The following ADAM22 variants were observed in gnomAD, a reference collection of about 807,000 sequenced individuals.
ADAM22 encodes the protein ADAM metallopeptidase domain 22, also known as disintegrin and metalloproteinase domain-containing protein 22.
ADAM22 carries 65 observed loss-of-function variants against 144.6 expected under a neutral mutation model. The observed-to-expected ratio is 0.45, with a 90% CI of 0.37 to 0.55. ADAM22 has a LOEUF of 0.55. ADAM22 is among the 20% of genes least tolerant of loss of function. The probability of loss-of-function intolerance (pLI) is 0.00; values close to 1 mark genes in which losing one functional copy is unlikely to be tolerated. For missense variants in ADAM22, 974 were observed against 1,184.9 expected, an observed-to-expected ratio of 0.82 and a Z score of 2.61; for synonymous variants, 391 against 412.6, an observed-to-expected ratio of 0.95 and a Z score of 0.63.
At chr7:88,093,823 G>A (rs1820568092) in intron 4 of ADAM22, among the ~76,000 whole-genome samples, 1 of 152,180 alleles carries the variant, frequency 6.6e-6, no homozygotes. Flanking sequence ...ACAGGCATGA[G>A]CCACTGCATC....
chr7:88,188,991 C>T (rs569725896), intron 30 of ADAM22, among the ~76,000 whole-genome samples: 11 of 152,276 alleles, frequency 7.2e-5, no homozygotes, highest in East Asian at 1.9e-4. Context: ...GTTGGCTTTG[C>T]GGCATCCTTA....
chr7:88,004,591 G>A (rs1278945533), intron 3 of ADAM22, among the ~76,000 whole-genome samples: 1 of 152,194 alleles, frequency 6.6e-6, no homozygotes, highest in African/African-American at 2.4e-5. Context: ...AGTAAATTGT[G>A]TAAGGCCACC....
intron 4 of ADAM22, among the ~76,000 whole-genome samples, chr7:88,083,148 C>G (rs1378950711): frequency 6.6e-6 from 1 of 152,166 alleles, no homozygotes; most frequent in Non-Finnish European, 1.5e-5. Flanking sequence ...TCATGGAATA[C>G]TATGCAGCCA....
rs767707816 is a variant in ADAM22, at chr7:88,151,254, T to C, written c.1618-3T>C. 48 of 1,614,022 alleles carry C rather than the reference T, an allele frequency of 3.0e-5. No individual in the cohort carries two copies. The Admixed American group carries it at 5.8e-4, about 20-fold the overall frequency. ...CTAATGGGTATTTGCTTTTCCGTTT[T>C]AGGGAATTTGCTTTGGAGGAAGATG... On this transcript the variant is annotated splice_polypyrimidine_tract_variant and splice_region_variant and intron_variant, in intron 19 of 31. Transcript: ENST00000413139.
intron 2 of ADAM22, among the ~76,000 whole-genome samples, chr7:87,954,181 T>C (rs913330987): frequency 4.7e-4 from 71 of 152,148 alleles, no homozygotes; most frequent in African/African-American, 1.5e-3. Context: ...TTGATCCTTT[T>C]ATTATGATGT....
Position 88,104,634 on chromosome 7 carries a change from A to C in ADAM22, c.391-3542A>C, listed in dbSNP as rs1823855447. 2.6e-5 allele frequency among the ~76,000 whole-genome samples: 4 copies of C among 151,954 alleles called. No individual in the cohort carries two copies. In the South Asian group the frequency reaches 8.3e-4, roughly 31 times the overall value. On this transcript the variant is annotated intron_variant, in intron 4 of 31. Transcript: ENST00000413139. ...AAAACATTTCTAGGCATGTTAAAGG[A>C]AATAAAAGCTTCATTACTTCTTAGT... is the stretch of plus-strand genomic sequence containing the variant.
intron 11 of ADAM22, 63 bp downstream of exon 11, chr7:88,131,498 C>A: frequency 6.6e-7 from 1 of 1,514,932 alleles, no homozygotes; most frequent in Non-Finnish European, 9.1e-7. Flanking sequence ...TTTATTGTGA[C>A]TGAAATGTAT....
chr7:88,135,991 T>A lies in ADAM22; in HGVS notation c.1180T>A (p.Cys394Ser). The change falls in exon 14 of 32, where the codon TGC becomes AGC. Residue 394 changes from cysteine to serine, a missense_variant. Physicochemically the swap from Cys to Ser is moderately radical, Grantham distance 112 (BLOSUM62 -1). This residue lies in a region of ADAM22 where 734 missense variants were observed against 950.6 expected (regional missense o/e 0.77). Coordinates refer to ENST00000413139, the MANE Select transcript of ADAM22 (RefSeq NM_001324418.2). ...KRKLASGECK[C>S]EDTWSGCIMG... ...TAATTTTCTCTTAGGTGAATGTAAATGCGAGGACACGTGGTCCGGGTGCAT... is the reference window on the plus strand; with the variant it reads ...TAATTTTCTCTTAGGTGAATGTAAAAGCGAGGACACGTGGTCCGGGTGCAT... 1 of 1,612,152 alleles carries A rather than the reference T, an allele frequency of 6.2e-7. No homozygotes were observed. The highest frequency in any genetic ancestry group is 8.5e-7 in the Non-Finnish European group (1 of 1,179,008).
intron 3 of ADAM22, among the ~76,000 whole-genome samples, chr7:88,063,242 A>G (rs1810362065): frequency 6.6e-6 from 1 of 152,208 alleles, no homozygotes; most frequent in South Asian, 2.1e-4. Context: ...TCAAAGAGAT[A>G]ACTACTGCAT....
At chr7:88,144,249 A>G (rs527428328) in intron 15 of ADAM22, among the ~76,000 whole-genome samples, 30 of 152,202 alleles carry the variant, frequency 2.0e-4, no homozygotes, top group Admixed American at 1.4e-3. Flanking sequence ...GTACATTTTC[A>G]TTCTATAATA....
intron 3 of ADAM22, among the ~76,000 whole-genome samples, chr7:88,012,020 T>G (rs971935300): frequency 6.8e-6 from 1 of 146,660 alleles, no homozygotes; most frequent in Non-Finnish European, 1.5e-5. Context: ...AGTAGAGTAT[T>G]GTGTTCTGTT....
chr7:87,959,916 A>C (rs974030334), intron 2 of ADAM22, among the ~76,000 whole-genome samples: 15 of 152,172 alleles, frequency 9.9e-5, no homozygotes, highest in Non-Finnish European at 1.5e-4. Context: ...GTTTTAAATA[A>C]AAGTTTGTCA....
At chr7:87,965,743 C>A (rs1848908182) in intron 2 of ADAM22, among the ~76,000 whole-genome samples, 1 of 152,082 alleles carries the variant, frequency 6.6e-6, no homozygotes, top group Admixed American at 6.5e-5. Context: ...GTGAAGTAAA[C>A]CTTGATGTGA....
chr7:87,994,754 T>C (rs1790712039), intron 3 of ADAM22, among the ~76,000 whole-genome samples: 1 of 152,194 alleles, frequency 6.6e-6, no homozygotes, highest in South Asian at 2.1e-4. Flanking sequence ...TCACAGAAAC[T>C]GCCTAGTTAA....
intron 3 of ADAM22, among the ~76,000 whole-genome samples, chr7:88,054,654 G>C (rs1338040183): frequency 2.1e-5 from 3 of 140,878 alleles, no homozygotes; most frequent in African/African-American, 7.9e-5. Flanking sequence ...CACATGGTCG[G>C]TTTCCCCTGC....
intron 5 of ADAM22, among the ~76,000 whole-genome samples, chr7:88,109,781 C>T (rs918802789): frequency 3.3e-5 from 5 of 151,594 alleles, no homozygotes; most frequent in African/African-American, 9.7e-5. Flanking sequence ...GCATTGTCAC[C>T]GAAGAACAGG....
chr7:88,037,612 AT>A (rs975858382), intron 3 of ADAM22, among the ~76,000 whole-genome samples: 3 of 148,418 alleles, frequency 2.0e-5, no homozygotes, highest in African/African-American at 7.5e-5. Context: ...TTTTATTTTT[AT>A]TTTTTTTTGC....
At chr7:87,953,525 G>A (rs2131441638) in intron 2 of ADAM22, among the ~76,000 whole-genome samples, 1 of 152,214 alleles carries the variant, frequency 6.6e-6, no homozygotes, top group Admixed American at 6.5e-5. Context: ...TACAATTTCT[G>A]TTCTTTTACA....
chr7:87,958,135 G>T (rs961900666), intron 2 of ADAM22, among the ~76,000 whole-genome samples: 1 of 151,704 alleles, frequency 6.6e-6, no homozygotes, highest in Admixed American at 6.6e-5. Flanking sequence ...ATTCTGTTTC[G>T]CTGTTATAAG....
Sources: allele counts gnomAD v4.1 joint callset (sites outside exome capture counted in the v4.1 genomes callset), GRCh38; gene constraint gnomAD v4.1.1; regional missense constraint gnomAD v4.1.1; transcripts MANE v1.5; gene names NCBI Gene and HGNC (gene_info 2026-07-23, HGNC 2026-07-21).